Variants in SLC15A1 observed in about 807,000 individuals in gnomAD.
SLC15A1 encodes the protein Caco-2 oligopeptide transporter.
A neutral mutation model predicts 92.9 loss-of-function variants in SLC15A1; 83 were observed. That is an observed-to-expected ratio of 0.89 (90% CI 0.75 to 1.07). The LOEUF (loss-of-function observed/expected upper bound fraction) is 1.07, where lower values mean the gene tolerates loss of function less well. SLC15A1 is among the 50% of genes least tolerant of loss of function. SLC15A1 has a pLI of 0.00. For missense variants in SLC15A1, 857 were observed against 880.1 expected (o/e 0.97, Z 0.33); for synonymous variants, 322 against 318.2 (o/e 1.01, Z -0.13).
intron 18 of SLC15A1, among the ~76,000 whole-genome samples, chr13:98,701,111 G>T (rs1192180691): frequency 6.6e-6 from 1 of 152,028 alleles, no homozygotes; most frequent in Non-Finnish European, 1.5e-5. Flanking sequence ...AAACCTACAG[G>T]TCAGCTTGGG....
intron 8 of SLC15A1, among the ~76,000 whole-genome samples, chr13:98,718,758 G>C: frequency 6.6e-6 from 1 of 152,188 alleles, no homozygotes; most frequent in East Asian, 1.9e-4. Flanking sequence ...GCAGTGAGCT[G>C]AAATCACACC....
At chr13:98,721,358 G>A in intron 7 of SLC15A1, 137 bp downstream of exon 7, 1 of 728,590 alleles carries the variant, frequency 1.4e-6, no homozygotes. Context: ...ACTTACTCCA[G>A]ATTCCAACGT....
intron 5 of SLC15A1, among the ~76,000 whole-genome samples, chr13:98,723,054 A>G (rs1035009272): frequency 6.6e-5 from 10 of 152,228 alleles, no homozygotes; most frequent in African/African-American, 2.4e-4. Context: ...AGGAAAGGGC[A>G]CAGCCAGAAT....
intron 4 of SLC15A1, among the ~76,000 whole-genome samples, chr13:98,725,078 T>G (rs1237305501): frequency 4.6e-5 from 7 of 152,086 alleles, no homozygotes; most frequent in Non-Finnish European, 8.8e-5. Flanking sequence ...AGCCTGACAC[T>G]TCCCTCCTCT....
chr13:98,705,675 T>C (rs907980196), intron 16 of SLC15A1, among the ~76,000 whole-genome samples: 3 of 152,166 alleles, frequency 2.0e-5, no homozygotes, highest in African/African-American at 7.2e-5. Flanking sequence ...GTGAATCACC[T>C]GAGGTCAGGA....
Position 98,709,643 on chromosome 13 carries a change from C to G in SLC15A1, c.996G>C (p.Leu332=). The G allele has an allele frequency of 6.2e-7, 1 of 1,614,202 alleles. No individual in the cohort carries two copies. The highest frequency in any genetic ancestry group is 1.3e-5 in the African/African-American group (1 of 75,054). ...CGAAGATCGGGACCATGATCACGAT[C>G]AGGATGGCGTTCACGGTCTGCAGAG... is the stretch of plus-strand genomic sequence containing the variant. ...PDQMQTVNAI[L]IVIMVPIFDA... The change falls in exon 14 of 23, where the codon CTG becomes CTC. Residue 332 remains leucine (L), a synonymous_variant. Coordinates refer to ENST00000376503, the MANE Select transcript of SLC15A1 (RefSeq NM_005073.4).
At chr13:98,685,011 G>GAGTAGCTACATGCTAC in intron 22 of SLC15A1, 96 bp from the exon 23 acceptor site, 1 of 1,064,812 alleles carries the variant, frequency 9.4e-7, no homozygotes, top group Non-Finnish European at 1.3e-6. Context: ...GCTACATGCA[G>GAGTAGCTACATGCTAC]ATGGAGAGTG....
intron 7 of SLC15A1, chr13:98,721,204 C>G (rs753686775): frequency 2.0e-4 from 116 of 570,714 alleles, no homozygotes; most frequent in Middle Eastern, 2.8e-4. Flanking sequence ...TGCCTCTTAC[C>G]TCTTACCACG....
intron 22 of SLC15A1, among the ~76,000 whole-genome samples, chr13:98,685,611 G>C (rs1454496382): frequency 2.0e-5 from 3 of 152,192 alleles, no homozygotes; most frequent in Non-Finnish European, 4.4e-5. Flanking sequence ...TCCCTTGATA[G>C]TAAAACACAT....
chr13:98,695,952 C>T (rs1490923496), intron 18 of SLC15A1, among the ~76,000 whole-genome samples: 3 of 151,972 alleles, frequency 2.0e-5, no homozygotes, highest in Non-Finnish European at 4.4e-5. Context: ...TAGAGCCTCA[C>T]TGAAATAATA....
intron 8 of SLC15A1, among the ~76,000 whole-genome samples, chr13:98,718,300 CTTTTTTTTTTTTTTTTTTTTTTT>C (rs532286337): frequency 7.1e-5 from 6 of 84,122 alleles, no homozygotes; most frequent in African/African-American, 2.1e-4. Flanking sequence ...TCACCTTCAT[CTTTTTTTTTTTTTTTTTTTTTTT>C]TTTTTTTTTT....
intron 20 of SLC15A1, 59 bp downstream of exon 20, chr13:98,688,189 A>C (rs2087945961): frequency 1.8e-6 from 2 of 1,114,628 alleles, no homozygotes; most frequent in African/African-American, 3.1e-5. Flanking sequence ...AGTGTTTGTG[A>C]GTCTTCATAT....
At chr13:98,690,731 A>G (rs2087968219) in intron 18 of SLC15A1, among the ~76,000 whole-genome samples, 2 of 152,154 alleles carry the variant, frequency 1.3e-5, no homozygotes, top group Admixed American at 1.3e-4. Context: ...GGTGCCACCC[A>G]CCACACACCC....
At chr13:98,705,171 C>T (rs2088102430) in intron 16 of SLC15A1, among the ~76,000 whole-genome samples, 2 of 139,904 alleles carry the variant, frequency 1.4e-5, no homozygotes, top group Non-Finnish European at 3.0e-5. Context: ...TGCACTCAAG[C>T]CTGGGCGACA....
chr13:98,710,170 T>A (rs1224689792), intron 11 of SLC15A1, among the ~76,000 whole-genome samples: 2 of 152,180 alleles, frequency 1.3e-5, no homozygotes, highest in Non-Finnish European at 2.9e-5. Context: ...TACCCTGAGA[T>A]GAAGCTATCC....
chr13:98,693,896 C>T (rs2088002079), intron 18 of SLC15A1, among the ~76,000 whole-genome samples: 1 of 152,218 alleles, frequency 6.6e-6, no homozygotes, highest in Admixed American at 6.5e-5. Flanking sequence ...CCTTTGTTCT[C>T]AGATAGCTGT....
chr13:98,733,142 G>C (rs528106276), intron 1 of SLC15A1, among the ~76,000 whole-genome samples: 2 of 152,084 alleles, frequency 1.3e-5, no homozygotes, highest in African/African-American at 2.4e-5. Context: ...GGTTCTCCCC[G>C]AGAGCCTTTC....
chr13:98,708,616 G>T, intron 15 of SLC15A1, 70 bp downstream of exon 15: 1 of 1,370,150 alleles, frequency 7.3e-7, no homozygotes. Context: ...TCATGCTGAA[G>T]AAAGAAGATT....
At chr13:98,691,289 G>A (rs1181263702) in intron 18 of SLC15A1, among the ~76,000 whole-genome samples, 1 of 151,934 alleles carries the variant, frequency 6.6e-6, no homozygotes, top group South Asian at 2.1e-4. Flanking sequence ...TGCCCACCTC[G>A]GCCTCCCAAA....
Sources: allele counts gnomAD v4.1 joint callset (sites outside exome capture counted in the v4.1 genomes callset), GRCh38; gene constraint gnomAD v4.1.1; transcripts MANE v1.5; gene names NCBI Gene and HGNC (gene_info 2026-07-23, HGNC 2026-07-21).